SNTG1: variants seen among roughly 807,000 people sequenced by gnomAD.
The protein encoded by SNTG1 is syntrophin gamma 1, also known as gamma-1-syntrophin.
SNTG1 carries 39 observed loss-of-function variants against 74.7 expected under a neutral mutation model. That is an observed-to-expected ratio of 0.52 (90% CI 0.40 to 0.68). The LOEUF is 0.68. SNTG1 is among the 30% of genes least tolerant of loss of function. SNTG1 has a pLI of 0.00. For synonymous variants in SNTG1, 254 were observed against 217.1 expected (o/e 1.17, Z -1.49); for missense variants, 685 against 609.5 (o/e 1.12, Z -1.30).
intron 8 of SNTG1, among the ~76,000 whole-genome samples, chr8:50,468,399 C>A (rs569115820): frequency 6.6e-6 from 1 of 152,002 alleles, no homozygotes; most frequent in African/African-American, 2.4e-5. Context: ...TCATTCCCCC[C>A]CTTAGCTTTA....
intron 8 of SNTG1, among the ~76,000 whole-genome samples, chr8:50,484,137 CTTCTTTCT>C (rs1261505360): frequency 2.3e-4 from 13 of 55,868 alleles, no homozygotes; most frequent in African/African-American, 6.1e-4. Context: ...TCTTTCTTTC[CTTCTTTCT>C]TTCTTTCCTT....
intron 15 of SNTG1, among the ~76,000 whole-genome samples, chr8:50,671,347 G>T (rs1037367637): frequency 1.1e-4 from 16 of 151,324 alleles, no homozygotes; most frequent in Non-Finnish European, 1.9e-4. Context: ...AAATTTACAA[G>T]AAAAAAACAA....
chr8:50,695,878 A>G (rs1196355472), intron 15 of SNTG1, among the ~76,000 whole-genome samples: 2 of 151,714 alleles, frequency 1.3e-5, no homozygotes, highest in East Asian at 1.9e-4. Context: ...TATTCATCAC[A>G]TAGGTTGATT....
intron 1 of SNTG1, among the ~76,000 whole-genome samples, chr8:50,041,728 C>G (rs1254418013): frequency 2.6e-5 from 4 of 152,182 alleles, no homozygotes; most frequent in African/African-American, 9.7e-5. Flanking sequence ...TCATGCCTCT[C>G]TGTTGTGGAA....
At chr8:50,049,536 A>C (rs1417841864) in intron 1 of SNTG1, among the ~76,000 whole-genome samples, 1 of 152,134 alleles carries the variant, frequency 6.6e-6, no homozygotes, top group Non-Finnish European at 1.5e-5. Context: ...TGGATGAATT[A>C]ACCATTATAT....
chr8:50,074,822 C>T (rs1821688702), intron 1 of SNTG1, among the ~76,000 whole-genome samples: 1 of 152,084 alleles, frequency 6.6e-6, no homozygotes, highest in African/African-American at 2.4e-5. Flanking sequence ...TGGCCAAAGC[C>T]AGAGCCAACT....
At chr8:50,250,992 C>T (rs1214519680) in intron 2 of SNTG1, among the ~76,000 whole-genome samples, 2 of 28,122 alleles carry the variant, frequency 7.1e-5, no homozygotes, top group African/African-American at 8.9e-5. Context: ...GGTTTAAAGT[C>T]AAAAAGGTAA....
chr8:50,309,035 TAGGCA>T (rs2090008300), intron 2 of SNTG1, among the ~76,000 whole-genome samples: 1 of 152,166 alleles, frequency 6.6e-6, no homozygotes, highest in African/African-American at 2.4e-5. Flanking sequence ...TCCCAAATTC[TAGGCA>T]TTTATAGTCA....
At chr8:50,633,331 G>T (rs377542694) in intron 13 of SNTG1, among the ~76,000 whole-genome samples, 1 of 152,264 alleles carries the variant, frequency 6.6e-6, no homozygotes, top group East Asian at 1.9e-4. Context: ...GCTATTAAGA[G>T]ATTTATCTCT....
chr8:50,458,688 T>C (rs990168584), intron 8 of SNTG1, among the ~76,000 whole-genome samples: 2 of 152,196 alleles, frequency 1.3e-5, no homozygotes, highest in African/African-American at 4.8e-5. Context: ...ATTTTGATAT[T>C]ACTTTGCATT....
intron 2 of SNTG1, among the ~76,000 whole-genome samples, chr8:50,350,703 C>G (rs922969098): frequency 6.6e-6 from 1 of 152,182 alleles, no homozygotes; most frequent in Non-Finnish European, 1.5e-5. Flanking sequence ...CTGTATCTAG[C>G]TACTCTGGTG....
intron 1 of SNTG1, among the ~76,000 whole-genome samples, chr8:50,083,042 G>T (rs1282554443): frequency 6.6e-6 from 1 of 152,178 alleles, no homozygotes; most frequent in African/African-American, 2.4e-5. Context: ...GTGTAAAGCT[G>T]CTGGTTTTCA....
At chr8:50,756,964 T>C (rs886245125) in intron 18 of SNTG1, among the ~76,000 whole-genome samples, 11 of 151,772 alleles carry the variant, frequency 7.2e-5, no homozygotes, top group African/African-American at 1.2e-4. Context: ...TTTCCTCTTA[T>C]AGAATTTTTA....
chr8:50,078,810 GT>G (rs1440207790), intron 1 of SNTG1, among the ~76,000 whole-genome samples: 1 of 152,176 alleles, frequency 6.6e-6, no homozygotes, highest in Non-Finnish European at 1.5e-5. Context: ...AGAAAATGCA[GT>G]TTTTGGTTTT....
At chr8:50,253,472 C>T (rs567555095) in intron 2 of SNTG1, among the ~76,000 whole-genome samples, 4 of 151,650 alleles carry the variant, frequency 2.6e-5, no homozygotes, top group African/African-American at 4.8e-5. Context: ...ACCATATGAG[C>T]CATTGGGTAT....
chr8:50,372,119 C>T (rs922224100), intron 2 of SNTG1, among the ~76,000 whole-genome samples: 1 of 151,728 alleles, frequency 6.6e-6, no homozygotes, highest in Non-Finnish European at 1.5e-5. Flanking sequence ...CAACTCTTTT[C>T]ATTTTTCATC....
At chr8:50,744,020 C>T (rs1368025535) in intron 17 of SNTG1, among the ~76,000 whole-genome samples, 2 of 151,742 alleles carry the variant, frequency 1.3e-5, no homozygotes, top group East Asian at 3.9e-4. Flanking sequence ...TCCTATGAAC[C>T]CAGACTGAGA....
chr8:50,584,195 C>T (rs1440979830), intron 12 of SNTG1, among the ~76,000 whole-genome samples: 1 of 152,050 alleles, frequency 6.6e-6, no homozygotes, highest in Non-Finnish European at 1.5e-5. Flanking sequence ...GGGTTGGTTC[C>T]AAGTCTTTGC....
chr8:50,540,015 C>G (rs895626677), intron 11 of SNTG1, among the ~76,000 whole-genome samples: 1 of 152,004 alleles, frequency 6.6e-6, no homozygotes, highest in Non-Finnish European at 1.5e-5. Flanking sequence ...GAGGAAAACC[C>G]AGGGGATTCA....
Sources: gnomAD v4.1 joint callset for allele counts (sites outside exome capture counted in the v4.1 genomes callset) on GRCh38, gnomAD v4.1.1 for gene constraint, MANE v1.5 for transcripts, NCBI Gene and HGNC (gene_info 2026-07-23, HGNC 2026-07-21) for gene names.